XPO4: variants seen among roughly 807,000 people sequenced by gnomAD.
The protein encoded by XPO4 is exportin-4.
A neutral mutation model predicts 143.0 loss-of-function variants in XPO4; 39 were observed. The observed-to-expected ratio is 0.27, with a 90% CI of 0.21 to 0.36. XPO4 has a LOEUF of 0.36. Ranked by LOEUF, XPO4 falls within the 10% of genes least tolerant of loss-of-function variation. The pLI is 1.00. For missense variants in XPO4, 907 were observed against 1,348.0 expected, an observed-to-expected ratio of 0.67 and a Z score of 5.12; for synonymous variants, 439 against 474.0, an observed-to-expected ratio of 0.93 and a Z score of 0.96.
intron 1 of XPO4, among the ~76,000 whole-genome samples, chr13:20,875,095 A>G (rs1469613590): frequency 1.3e-5 from 2 of 152,198 alleles, no homozygotes; most frequent in African/African-American, 4.8e-5. Flanking sequence ...TAATTAGAAA[A>G]CGATAGATGT....
intron 4 of XPO4, among the ~76,000 whole-genome samples, chr13:20,853,728 G>A (rs905275478): frequency 6.6e-6 from 1 of 152,036 alleles, no homozygotes; most frequent in Non-Finnish European, 1.5e-5. Context: ...TATCCAATAC[G>A]TTTGTCACTA....
chr13:20,839,539 A>G (rs7339056), intron 6 of XPO4, among the ~76,000 whole-genome samples: 55,756 of 152,114 alleles, frequency 0.37, 11,655 homozygotes, highest in Non-Finnish European at 0.48. Context: ...TTACATCTCA[A>G]TAAAACTATT....
chr13:20,896,511 T>A (rs559030789), intron 1 of XPO4, among the ~76,000 whole-genome samples: 5 of 152,220 alleles, frequency 3.3e-5, no homozygotes, highest in Non-Finnish European at 5.9e-5. Context: ...CAGAATGGGA[T>A]CTTTTTTCCA....
At position 20,850,185 on chromosome 13, in the gene XPO4, T is replaced by C. The variant is rs534743542; in HGVS notation, c.456+5442A>G. The C allele has an allele frequency of 8.1e-6, 8 of 985,138 alleles. No individual in the cohort carries two copies. The African/African-American group carries it at 1.2e-4, about 15-fold the overall frequency. The allele number at this position is 985,138 out of a possible 1,614,324, so 61.0% of individuals were successfully genotyped here. ...TGCTTTTCCATACTTAAAATATTGT[T>C]TGAGAGAAAAACACATGATTTATTA... is the stretch of plus-strand genomic sequence containing the variant. On this transcript the variant is annotated intron_variant, in intron 4 of 22. Transcript: ENST00000255305.
At chr13:20,856,326 C>CACAA in intron 3 of XPO4, 35 of 985,278 alleles carry the variant, frequency 3.6e-5, no homozygotes, top group Non-Finnish European at 4.2e-5. Flanking sequence ...AACACACACA[C>CACAA]ACAAACATTC....
chr13:20,892,014 A>G lies in XPO4; in HGVS notation c.69+10656T>C, dbSNP rs528566375. Among the ~76,000 whole-genome samples the G allele has an allele frequency of 4.0e-5, 6 of 150,090 alleles. No homozygotes were observed. The South Asian group carries it at 1.3e-3, about 33-fold the overall frequency. On this transcript the variant is annotated intron_variant, in intron 1 of 22. Coordinates refer to ENST00000255305, the MANE Select transcript of XPO4 (RefSeq NM_022459.5). ...CGAACATCAAAACCACAAATCTGAC[A>G]AGTTTTTTTTTGTTTTGTTTTGTTT...
intron 6 of XPO4, among the ~76,000 whole-genome samples, chr13:20,840,428 G>A (rs779546940): frequency 6.6e-6 from 1 of 151,966 alleles, no homozygotes; most frequent in East Asian, 1.9e-4. Context: ...TGCTGGTCTC[G>A]AACTCCTAGA....
In XPO4 at chr13:20,821,853, C is replaced by T. The variant is rs779204324; in HGVS notation, c.1024G>A (p.Val342Met). The T allele has an allele frequency of 3.1e-6, 5 of 1,613,820 alleles. No homozygotes were observed. In the East Asian group the frequency reaches 8.9e-5, roughly 29 times the overall value. Reference protein sequence around the residue: ...NGIEIEDSEAVGISSIISNLI... With the variant: ...NGIEIEDSEAMGISSIISNLI... The stretch of plus-strand genomic sequence containing the variant: ...TTGCTGATAATGCTGGAGATCCCCA[C>T]AGCTTCAGAATCTTCTATTTCAATT... Residue 342 changes from valine (V) to methionine (M), a missense_variant, in exon 9 of 23, where the codon GTG (valine) becomes ATG (methionine). Transcript: ENST00000255305.
intron 6 of XPO4, among the ~76,000 whole-genome samples, chr13:20,831,319 A>G (rs1285134083): frequency 6.6e-6 from 1 of 152,190 alleles, no homozygotes; most frequent in African/African-American, 2.4e-5. Context: ...AAAACTTTCA[A>G]AAGTTTGGTT....
chr13:20,788,679 G>A (rs891359603), intron 19 of XPO4, 63 bp from the exon 20 acceptor site: 2 of 1,407,786 alleles, frequency 1.4e-6, no homozygotes, highest in Non-Finnish European at 9.5e-7. Context: ...TTTCATCAAT[G>A]CAATAAAATA....
intron 1 of XPO4, chr13:20,902,250 C>G: frequency 1.0e-6 from 1 of 985,406 alleles, no homozygotes; most frequent in South Asian, 4.7e-5. Context: ...AGCACCCAGG[C>G]TGTGCCATCC....
Position 20,810,747 on chromosome 13 carries a change from C to T in XPO4, c.1174-780G>A, listed in dbSNP as rs374596444. 2.0e-5 allele frequency among the ~76,000 whole-genome samples: 3 copies of T among 152,268 alleles called. No individual in the cohort carries two copies. The South Asian group carries it at 6.2e-4, about 32-fold the overall frequency. ...AGGCCTCTCTCCACAAGCATGGTACCGGATGTAACTAGACCTGTATGAGAT... is the reference window on the plus strand; with the variant it reads ...AGGCCTCTCTCCACAAGCATGGTACTGGATGTAACTAGACCTGTATGAGAT... On this transcript the variant is annotated intron_variant, in intron 9 of 22. Transcript: ENST00000255305.
intron 20 of XPO4, 151 bp from the exon 21 acceptor site, chr13:20,787,749 A>G: frequency 1.6e-6 from 1 of 644,052 alleles, no homozygotes; most frequent in South Asian, 2.2e-5. Flanking sequence ...ACTGAGTTAT[A>G]TAAGGAAAGA....
intron 6 of XPO4, among the ~76,000 whole-genome samples, chr13:20,837,253 T>C (rs1038951943): frequency 1.3e-5 from 2 of 152,194 alleles, no homozygotes; most frequent in African/African-American, 4.8e-5. Context: ...GCAGCATCCG[T>C]AGCCTCAACC....
In XPO4 at chr13:20,855,634, G is replaced by A; in HGVS notation, c.449C>T (p.Pro150Leu). 6.2e-7 allele frequency: 1 copy of A among 1,601,864 alleles called. No individual in the cohort carries two copies. The highest frequency in any genetic ancestry group is 8.5e-7 in the Non-Finnish European group (1 of 1,176,952). ...EVSQLISSGN[P>L]TVQTLACSIL... Reference sequence around the variant, plus strand: ...TACAAATAGCACACTTACCACAGTGGGATTGCCACTACTAATCAACTGGCT... The same window carrying A: ...TACAAATAGCACACTTACCACAGTGAGATTGCCACTACTAATCAACTGGCT... The change falls in exon 4 of 23, where the codon CCC (proline) becomes CTC (leucine). Residue 150 changes from proline to leucine, a missense_variant. Pro to Leu is a moderately conservative substitution (Grantham distance 98). Coordinates refer to ENST00000255305, the MANE Select transcript of XPO4 (RefSeq NM_022459.5).
rs568552496 is a variant in XPO4, at chr13:20,884,921, C to T, written c.70-16220G>A. Among the ~76,000 whole-genome samples the T allele has an allele frequency of 1.2e-4, 18 of 152,174 alleles. No individual in the cohort carries two copies. In the South Asian group the frequency reaches 3.1e-3, roughly 26 times the overall value. On this transcript the variant is annotated intron_variant, in intron 1 of 22. Coordinates refer to ENST00000255305, the MANE Select transcript of XPO4 (RefSeq NM_022459.5). ...CAATTAAAACTCTGGACAGCAATAG[C>T]GCATTAAGTAAAAAGAGAGGTTTTT...
At chr13:20,851,284 G>T (rs2060082909) in intron 4 of XPO4, 2 of 985,304 alleles carry the variant, frequency 2.0e-6, no homozygotes, top group African/African-American at 3.5e-5. Context: ...GCCATATAGA[G>T]AATATTTTTC....
chr13:20,809,557 T>G (rs555746606), intron 10 of XPO4, among the ~76,000 whole-genome samples: 3 of 152,196 alleles, frequency 2.0e-5, no homozygotes, highest in African/African-American at 7.2e-5. Context: ...TGGCCCAAAT[T>G]ATTCATATCT....
chr13:20,854,194 A>G (rs2060118089), intron 4 of XPO4, among the ~76,000 whole-genome samples: 1 of 152,218 alleles, frequency 6.6e-6, no homozygotes, highest in Non-Finnish European at 1.5e-5. Context: ...TAAGTTCCAA[A>G]GTCCTGATCA....
Sources: allele counts gnomAD v4.1 joint callset (sites outside exome capture counted in the v4.1 genomes callset), GRCh38; gene constraint gnomAD v4.1.1; transcripts MANE v1.5; gene names NCBI Gene and HGNC (gene_info 2026-07-23, HGNC 2026-07-21).